SNTB1: variants seen among roughly 807,000 people sequenced by gnomAD.
SNTB1 encodes the protein beta-1-syntrophin.
In SNTB1, 36 loss-of-function variants were observed where a neutral mutation model predicts 48.9. The observed-to-expected ratio is 0.74, with a 90% CI of 0.56 to 0.97. SNTB1 has a LOEUF of 0.97. Among genes scored for constraint, SNTB1 ranks in the 50% least tolerant of loss-of-function variants. The probability of loss-of-function intolerance (pLI) is 0.00; values close to 1 mark genes in which losing one functional copy is unlikely to be tolerated. For synonymous variants in SNTB1, 299 were observed against 294.6 expected (o/e 1.01, Z -0.15); for missense variants, 786 against 703.4 (o/e 1.12, Z -1.33).
At chr8:120,584,784 G>A (rs1352302987) in intron 3 of SNTB1, among the ~76,000 whole-genome samples, 1 of 152,158 alleles carries the variant, frequency 6.6e-6, no homozygotes, top group African/African-American at 2.4e-5. Context: ...GAATAGGTTG[G>A]ACCCCTAATC....
chr8:120,657,759 T>C (rs1029365601), intron 2 of SNTB1, among the ~76,000 whole-genome samples: 1 of 152,216 alleles, frequency 6.6e-6, no homozygotes, highest in African/African-American at 2.4e-5. Flanking sequence ...ATTTATTGAC[T>C]TATCAATTAT....
intron 1 of SNTB1, among the ~76,000 whole-genome samples, chr8:120,720,431 T>G (rs1357919875): frequency 1.3e-5 from 2 of 152,242 alleles, no homozygotes; most frequent in African/African-American, 4.8e-5. Context: ...CTTTTCCGTA[T>G]GCCTCAGATC....
At chr8:120,704,948 A>G (rs566734377) in intron 1 of SNTB1, among the ~76,000 whole-genome samples, 1 of 152,332 alleles carries the variant, frequency 6.6e-6, no homozygotes, top group South Asian at 2.1e-4. Flanking sequence ...CATGGCTATG[A>G]TTCCCATAAG....
intron 3 of SNTB1, among the ~76,000 whole-genome samples, chr8:120,629,686 C>T (rs1249273299): frequency 6.6e-6 from 1 of 152,208 alleles, no homozygotes; most frequent in Non-Finnish European, 1.5e-5. Context: ...TGGATTTGTT[C>T]CCTTAAACTT....
intron 3 of SNTB1, among the ~76,000 whole-genome samples, chr8:120,582,231 A>T (rs1816060423): frequency 6.6e-6 from 1 of 152,196 alleles, no homozygotes; most frequent in South Asian, 2.1e-4. Context: ...AATAATGGAG[A>T]TCTATGGAAA....
chr8:120,673,615 C>T (rs1444718004), intron 2 of SNTB1, among the ~76,000 whole-genome samples: 1 of 151,908 alleles, frequency 6.6e-6, no homozygotes, highest in Non-Finnish European at 1.5e-5. Flanking sequence ...TTAAGCCACC[C>T]TCTCTGCTTG....
chr8:120,721,871 A>C (rs538724200), intron 1 of SNTB1, among the ~76,000 whole-genome samples: 1 of 128,040 alleles, frequency 7.8e-6, no homozygotes, highest in Non-Finnish European at 1.6e-5. Context: ...ATTTCTCCCA[A>C]TGCTATCCCC....
intron 1 of SNTB1, among the ~76,000 whole-genome samples, chr8:120,776,012 T>C (rs977260400): frequency 1.3e-5 from 2 of 152,208 alleles, no homozygotes; most frequent in Non-Finnish European, 2.9e-5. Context: ...AGTTCAACCA[T>C]TGTGGAAGAC....
intron 4 of SNTB1, among the ~76,000 whole-genome samples, chr8:120,553,118 G>A (rs1029385875): frequency 6.6e-6 from 1 of 152,170 alleles, no homozygotes; most frequent in East Asian, 1.9e-4. Context: ...GCCACAGACC[G>A]CTACAGGTCC....
chr8:120,734,882 G>A (rs1318713529), intron 1 of SNTB1, among the ~76,000 whole-genome samples: 1 of 152,188 alleles, frequency 6.6e-6, no homozygotes, highest in East Asian at 1.9e-4. Context: ...GATGGTTAAA[G>A]GATGACTGGC....
intron 2 of SNTB1, chr8:120,638,057 TATC>T (rs1481794182): frequency 1.3e-5 from 2 of 158,654 alleles, no homozygotes; most frequent in Non-Finnish European, 2.8e-5. Flanking sequence ...GTTCTCTTAT[TATC>T]ATCTACAATA....
intron 3 of SNTB1, among the ~76,000 whole-genome samples, chr8:120,597,559 G>C (rs887303726): frequency 2.0e-5 from 3 of 152,210 alleles, no homozygotes; most frequent in African/African-American, 7.2e-5. Context: ...TGAAAAATGA[G>C]TATCCTTTAC....
intron 1 of SNTB1, among the ~76,000 whole-genome samples, chr8:120,767,459 C>A (rs145418299): frequency 2.6e-5 from 4 of 152,258 alleles, no homozygotes; most frequent in African/African-American, 4.8e-5. Context: ...AAAGAACTTG[C>A]AAGTTAGTTG....
intron 1 of SNTB1, among the ~76,000 whole-genome samples, chr8:120,802,076 A>G (rs1409216286): frequency 1.3e-5 from 2 of 152,268 alleles, no homozygotes; most frequent in East Asian, 1.9e-4. Context: ...TGAATAAACC[A>G]TGATATATCT....
At chr8:120,638,953 G>A (rs970635610) in intron 2 of SNTB1, among the ~76,000 whole-genome samples, 1 of 152,194 alleles carries the variant, frequency 6.6e-6, no homozygotes, top group African/African-American at 2.4e-5. Context: ...CTAGATCCTT[G>A]AGGAATCGCC....
chr8:120,662,559 G>A (rs1213675852), intron 2 of SNTB1, among the ~76,000 whole-genome samples: 1 of 152,198 alleles, frequency 6.6e-6, no homozygotes, highest in Non-Finnish European at 1.5e-5. Context: ...TGGGTTGGGA[G>A]GAGCAGGCAG....
At chr8:120,751,903 C>T (rs751209909) in intron 1 of SNTB1, among the ~76,000 whole-genome samples, 4 of 152,148 alleles carry the variant, frequency 2.6e-5, no homozygotes, top group Non-Finnish European at 5.9e-5. Context: ...CTTGTTCTGG[C>T]TGAAAGCAGT....
chr8:120,714,976 T>C (rs1214461368), intron 1 of SNTB1, among the ~76,000 whole-genome samples: 6 of 152,226 alleles, frequency 3.9e-5, no homozygotes, highest in Admixed American at 3.9e-4. Flanking sequence ...CTTGGATTTC[T>C]GTGAAAAGAC....
At position 120,811,523 on chromosome 8, in the gene SNTB1, C is replaced by T. The variant is rs139846471; in HGVS notation, c.321G>A (p.Ser107=). The T allele has an allele frequency of 4.3e-6, 7 of 1,612,334 alleles. No homozygotes were observed. In the South Asian group the frequency reaches 5.5e-5, roughly 13 times the overall value. The change falls in exon 1 of 7, where the codon TCG becomes TCA. Residue 107 remains serine, a synonymous_variant. Coordinates refer to ENST00000517992, the MANE Select transcript of SNTB1 (RefSeq NM_021021.4). ...DLPEQVPESI[S]NQKRGVKVLK... The stretch of plus-strand genomic sequence containing the variant: ...GCACCTTCACGCCACGCTTCTGGTT[C>T]GAGATGGACTCGGGCACCTGCTCGG...
Sources: gnomAD v4.1 joint callset for allele counts (sites outside exome capture counted in the v4.1 genomes callset) on GRCh38, gnomAD v4.1.1 for gene constraint, MANE v1.5 for transcripts, NCBI Gene and HGNC (gene_info 2026-07-23, HGNC 2026-07-21) for gene names.